Variants in CCSER2 observed in about 807,000 individuals in gnomAD.
CCSER2 encodes serine-rich coiled-coil domain-containing protein 2.
A neutral mutation model predicts 92.3 loss-of-function variants in CCSER2; 46 were observed. That is an observed-to-expected ratio of 0.50 (90% CI 0.39 to 0.64). The LOEUF is 0.64. CCSER2 is among the 30% of genes least tolerant of loss of function. The probability of loss-of-function intolerance (pLI) is 0.00; values close to 1 mark genes in which losing one functional copy is unlikely to be tolerated. For synonymous variants in CCSER2, 433 were observed against 431.4 expected (o/e 1.00, Z -0.04); for missense variants, 1,244 against 1,238.9 (o/e 1.00, Z -0.06).
chr10:84,476,604 C>T (rs533258495), intron 8 of CCSER2, among the ~76,000 whole-genome samples: 14 of 151,910 alleles, frequency 9.2e-5, no homozygotes, highest in Middle Eastern at 3.4e-3. Flanking sequence ...CCACCACATC[C>T]GGCAAATTTT....
intron 3 of CCSER2, among the ~76,000 whole-genome samples, chr10:84,402,767 T>C (rs1053934115): frequency 5.9e-5 from 9 of 152,176 alleles, no homozygotes; most frequent in Admixed American, 5.2e-4. Context: ...TCTTATTCAA[T>C]GTAGTTAATG....
At chr10:84,484,485 A>C (rs1032628211) in intron 9 of CCSER2, among the ~76,000 whole-genome samples, 1 of 124,380 alleles carries the variant, frequency 8.0e-6, no homozygotes, top group Non-Finnish European at 1.6e-5. Flanking sequence ...GCATGTGTGC[A>C]TGCACGTGTG....
intron 3 of CCSER2, among the ~76,000 whole-genome samples, chr10:84,406,559 C>A (rs535349365): frequency 6.6e-6 from 1 of 152,248 alleles, no homozygotes; most frequent in East Asian, 1.9e-4. Context: ...CTATGGTAAA[C>A]CTGCTCATAT....
chr10:84,398,776 A>G (rs992704286), intron 3 of CCSER2, among the ~76,000 whole-genome samples: 1 of 152,038 alleles, frequency 6.6e-6, no homozygotes, highest in African/African-American at 2.4e-5. Flanking sequence ...TGATGAACAG[A>G]CTTTTTTTTT....
intron 1 of CCSER2, among the ~76,000 whole-genome samples, chr10:84,338,290 T>A (rs1843954985): frequency 3.6e-5 from 2 of 55,624 alleles, no homozygotes; most frequent in Non-Finnish European, 3.3e-5. Context: ...AAAGAAAAAC[T>A]TAAAAAAAAA....
chr10:84,513,380 T>C (rs1244026723), intron 9 of CCSER2, 69 bp from the exon 10 acceptor site: 9 of 1,171,276 alleles, frequency 7.7e-6, no homozygotes, highest in Non-Finnish European at 1.2e-6. Flanking sequence ...ACAGCCTAAT[T>C]GGTATTTATA....
rs573342013 is a variant in CCSER2 at position 84,352,489 on chromosome 10, A to G, written c.-39-18525A>G. On this transcript the variant is annotated intron_variant, in intron 1 of 9. Coordinates refer to ENST00000372088, the MANE Select transcript of CCSER2 (RefSeq NM_001284240.2). ...TTGGAGAAGCTCTTGGGGAGTAGGA[A>G]GAATGACGGGGGTGGGGAGCAGTCT... Among the ~76,000 whole-genome samples, 8 of 151,222 alleles carry G rather than the reference A, an allele frequency of 5.3e-5. No individual in the cohort carries two copies. The South Asian group carries it at 1.7e-3, about 32-fold the overall frequency.
chr10:84,451,105 G>GA (rs902556125), intron 6 of CCSER2, among the ~76,000 whole-genome samples: 1 of 151,660 alleles, frequency 6.6e-6, no homozygotes, highest in Admixed American at 6.6e-5. Context: ...GGAGAAAGGG[G>GA]AAAAAACCCT....
At chr10:84,361,723 C>A (rs1845513725) in intron 1 of CCSER2, among the ~76,000 whole-genome samples, 1 of 151,956 alleles carries the variant, frequency 6.6e-6, no homozygotes, top group Admixed American at 6.6e-5. Flanking sequence ...CTCACTGCAA[C>A]CTCTGCGTTT....
rs1554847444 is a variant in CCSER2, at chr10:84,429,014, T to TAC, written c.1868+3126_1868+3127dup. On this transcript the variant is annotated intron_variant, in intron 5 of 9. Transcript: ENST00000372088. ...ATATATATATATATATATATATATATACACACTTAAGAAATACTGGTCTGT... is the reference window on the plus strand; with the variant it reads ...ATATATATATATATATATATATATATACACACACTTAAGAAATACTGGTCTGT... Among the ~76,000 whole-genome samples the TAC allele has an allele frequency of 3.7e-3, 514 of 139,362 alleles. 4 individuals carry two copies. Among genetic ancestry groups the TAC allele is most frequent in the Middle Eastern group, 7.4e-3 (2 of 272 alleles). 91.4% of individuals were successfully genotyped at this position (139,362 alleles called of 152,430 possible).
chr10:84,340,114 A>T (rs1844091128), intron 1 of CCSER2, among the ~76,000 whole-genome samples: 1 of 152,132 alleles, frequency 6.6e-6, no homozygotes, highest in South Asian at 2.1e-4. Context: ...AAGTGCTGGG[A>T]TTACAGGTGT....
chr10:84,463,840 C>A, intron 6 of CCSER2, 93 bp from the exon 7 acceptor site: 1 of 789,080 alleles, frequency 1.3e-6, no homozygotes, highest in Non-Finnish European at 2.1e-6. Context: ...TGGTCTTCAC[C>A]ATGCTAGCAT....
chr10:84,512,284 A>G (rs1849388930), intron 9 of CCSER2, among the ~76,000 whole-genome samples: 1 of 152,052 alleles, frequency 6.6e-6, no homozygotes, highest in African/African-American at 2.4e-5. Context: ...AAAAAAACTT[A>G]TTAGTGAGAA....
intron 3 of CCSER2, among the ~76,000 whole-genome samples, chr10:84,386,577 C>T (rs2133236574): frequency 6.6e-6 from 1 of 152,216 alleles, no homozygotes; most frequent in East Asian, 1.9e-4. Context: ...ATTAGCCAGA[C>T]ATGGTGGCAC....
At chr10:84,507,072 C>T (rs926250695) in intron 9 of CCSER2, among the ~76,000 whole-genome samples, 8 of 152,228 alleles carry the variant, frequency 5.3e-5, no homozygotes, top group East Asian at 3.9e-4. Context: ...TGTACTAACT[C>T]GCAAATTACT....
intron 4 of CCSER2, chr10:84,424,932 G>A: frequency 1.0e-6 from 1 of 958,586 alleles, no homozygotes; most frequent in Non-Finnish European, 1.2e-6. Flanking sequence ...AGGAAGGCCT[G>A]TTCAGCAGTG....
chr10:84,513,451 T>C lies in CCSER2; in HGVS notation c.2328T>C (p.Pro776=). The C allele has an allele frequency of 6.3e-7, 1 of 1,592,534 alleles. No homozygotes were observed. Among genetic ancestry groups the C allele is most frequent in the Non-Finnish European group, 8.5e-7 (1 of 1,170,150 alleles). ...YTQTPWRRIP[P]QVLQPSSSLP... is the part of the protein sequence containing the mutation. The stretch of plus-strand genomic sequence containing the variant: ...AATGTTGTTTTTAATTTTAACAGCC[T>C]CAAGTACTACAGCCTTCCAGCAGCC... The change falls in exon 10 of 10, where the codon CCT becomes CCC. Residue 776 remains proline (P), a splice_region_variant and synonymous_variant. Transcript: ENST00000372088.
intron 9 of CCSER2, among the ~76,000 whole-genome samples, chr10:84,504,214 T>C (rs1031255563): frequency 1.3e-5 from 2 of 152,194 alleles, no homozygotes; most frequent in Non-Finnish European, 2.9e-5. Flanking sequence ...ATTTAGGTTT[T>C]AATATACTGA....
At chr10:84,434,886 A>G (rs1844011875) in intron 5 of CCSER2, among the ~76,000 whole-genome samples, 1 of 152,218 alleles carries the variant, frequency 6.6e-6, no homozygotes, top group South Asian at 2.1e-4. Flanking sequence ...GACTCAGATC[A>G]TCTATGCAGA....
Sources: gnomAD v4.1 joint callset for allele counts (sites outside exome capture counted in the v4.1 genomes callset) on GRCh38, gnomAD v4.1.1 for gene constraint, MANE v1.5 for transcripts, NCBI Gene and HGNC (gene_info 2026-07-23, HGNC 2026-07-21) for gene names.